EIF4ENIF1: variants seen among roughly 807,000 people sequenced by gnomAD.
EIF4ENIF1 encodes the protein eukaryotic translation initiation factor 4E nuclear import factor 1.
In EIF4ENIF1, 23 loss-of-function variants were observed where a neutral mutation model predicts 110.5. That is an observed-to-expected ratio of 0.21 (90% CI 0.15 to 0.29). The LOEUF (loss-of-function observed/expected upper bound fraction) is 0.29, where lower values mean the gene tolerates loss of function less well. Among genes scored for constraint, EIF4ENIF1 ranks in the 10% least tolerant of loss-of-function variants. The pLI, the probability that EIF4ENIF1 is intolerant of heterozygous loss-of-function variation, is 1.00. For synonymous variants in EIF4ENIF1, 440 were observed against 437.0 expected (o/e 1.01, Z -0.09); for missense variants, 1,031 against 1,221.1 (o/e 0.84, Z 2.32).
intron 2 of EIF4ENIF1, among the ~76,000 whole-genome samples, chr22:31,482,999 G>A (rs1441944394): frequency 1.3e-5 from 2 of 151,660 alleles, no homozygotes; most frequent in African/African-American, 4.8e-5. Flanking sequence ...ACTCCAGCCT[G>A]GCGACAGACA....
At chr22:31,492,476 T>G (rs538206212), upstream of EIF4ENIF1, among the ~76,000 whole-genome samples, 1 of 152,350 alleles carries the variant, frequency 6.6e-6, no homozygotes, top group Admixed American at 6.5e-5. Flanking sequence ...TCTATCCTAC[T>G]TAGGACCTAC....
chr22:31,459,598 GC>G (rs1569083039), intron 6 of EIF4ENIF1, among the ~76,000 whole-genome samples: 1 of 152,072 alleles, frequency 6.6e-6, no homozygotes, highest in African/African-American at 2.4e-5. Flanking sequence ...CTCTGGTGAG[GC>G]TAAACTCTGA....
At chr22:31,462,843 A>G in intron 6 of EIF4ENIF1, 89 bp downstream of exon 6, 3 of 1,400,380 alleles carry the variant, frequency 2.1e-6, no homozygotes, top group East Asian at 2.3e-5. Context: ...TCGGCCTCCC[A>G]AAGTGTTGGG....
At chr22:31,464,703 T>A (rs13058715) in intron 4 of EIF4ENIF1, among the ~76,000 whole-genome samples, 2,072 of 43,552 alleles carry the variant, frequency 0.048, 40 homozygotes, top group African/African-American at 0.089. Context: ...AAAAAAAATA[T>A]ATATATATAT....
chr22:31,438,196 A>G (rs1465112922), downstream of EIF4ENIF1, among the ~76,000 whole-genome samples: 2 of 152,204 alleles, frequency 1.3e-5, no homozygotes, highest in Non-Finnish European at 2.9e-5. Flanking sequence ...GAATGGACAA[A>G]TATCTAGAAC....
intron 6 of EIF4ENIF1, among the ~76,000 whole-genome samples, chr22:31,460,237 C>T (rs1056162755): frequency 1.3e-5 from 2 of 152,162 alleles, no homozygotes; most frequent in Admixed American, 1.3e-4. Context: ...TTTTGATTCT[C>T]CATTTCCTTC....
rs532103071 is a variant in EIF4ENIF1, at chr22:31,454,673, T to C, written c.1280-297A>G. On this transcript the variant is annotated intron_variant, in intron 9 of 18. Transcript: ENST00000330125. ...TGTGCATCCTGCAGAAGGATATGAG[T>C]CTTCTGGGAGACTTGTTACCTGGGA... is the stretch of plus-strand genomic sequence containing the variant. Among the ~76,000 whole-genome samples, 246 of 152,252 alleles carry C rather than the reference T, an allele frequency of 1.6e-3. 1 individual carries two copies. The highest frequency in any genetic ancestry group is 4.8e-3 in the African/African-American group (199 of 41,550).
At chr22:31,449,294 G>T in intron 12 of EIF4ENIF1, 54 bp downstream of exon 12, 3 of 1,558,998 alleles carry the variant, frequency 1.9e-6, no homozygotes, top group Non-Finnish European at 1.8e-6. Flanking sequence ...ACAGGCATGA[G>T]CTACCGTGCC....
intron 3 of EIF4ENIF1, among the ~76,000 whole-genome samples, chr22:31,471,016 CAAAA>C (rs879352107): frequency 1.2e-5 from 1 of 83,574 alleles, no homozygotes. Flanking sequence ...CTGTCTCGGA[CAAAA>C]AAAAAAAAAG....
chr22:31,456,504 T>G (rs971360394), intron 7 of EIF4ENIF1, among the ~76,000 whole-genome samples: 1 of 151,890 alleles, frequency 6.6e-6, no homozygotes, highest in Non-Finnish European at 1.5e-5. Flanking sequence ...ATTACAAGCA[T>G]GAGCCACCAC....
chr22:31,448,256 G>A (rs73396294), intron 12 of EIF4ENIF1, 24 bp from the exon 13 acceptor site: 2 of 1,611,180 alleles, frequency 1.2e-6, no homozygotes, highest in African/African-American at 1.3e-5. Context: ...TAGTCTCAGT[G>A]AGTACCAAGA....
In EIF4ENIF1 at chr22:31,441,784, C is replaced by T; in HGVS notation, c.2541G>A (p.Leu847=). The change falls in exon 17 of 19, where the codon TTG becomes TTA. Residue 847 remains leucine, a synonymous_variant. Coordinates refer to ENST00000330125, the MANE Select transcript of EIF4ENIF1 (RefSeq NM_019843.4). ...QGVHPQHLPS[L]LQTGVLPPGM... is the part of the protein sequence containing the mutation. ...AGGCTGGAAACTCACCAGTTTGGAG[C>T]AAACTTGGAAGATGCTGTGGATGTA... 1 of 1,609,638 alleles carries T rather than the reference C, an allele frequency of 6.2e-7. No individual in the cohort carries two copies. The highest frequency in any genetic ancestry group is 2.2e-5 in the East Asian group (1 of 44,790).
At position 31,449,340 on chromosome 22, in the gene EIF4ENIF1, A is replaced by T; in HGVS notation, c.1768+8T>A. 1 of 1,612,910 alleles carries T rather than the reference A, an allele frequency of 6.2e-7. No individual in the cohort carries two copies. The highest frequency in any genetic ancestry group is 8.5e-7 in the Non-Finnish European group (1 of 1,179,502). ...TTCATATTTCTTTTGACAAATAAGT[A>T]TATTTACCAATTGGTGATGGTATTC... is the stretch of plus-strand genomic sequence containing the variant. On this transcript the variant is annotated splice_region_variant and intron_variant, in intron 12 of 18. Transcript: ENST00000330125.
chr22:31,485,800 A>T (rs1018139717), intron 2 of EIF4ENIF1, among the ~76,000 whole-genome samples: 1 of 150,324 alleles, frequency 6.7e-6, no homozygotes, highest in South Asian at 2.1e-4. Context: ...GTGAAACTCC[A>T]TCTCAAAAAA....
At chr22:31,451,263 G>A (rs2050664954) in intron 10 of EIF4ENIF1, 1 of 151,988 alleles carries the variant, frequency 6.6e-6, no homozygotes, top group Non-Finnish European at 1.5e-5. Flanking sequence ...TCATATTTCA[G>A]GAAATTTAAG....
rs552889626 is a variant in EIF4ENIF1 at position 31,467,810 on chromosome 22, A to C, written c.298+365T>G. Among the ~76,000 whole-genome samples the C allele has an allele frequency of 1.6e-4, 24 of 152,194 alleles. No individual in the cohort carries two copies. In the South Asian group the frequency reaches 3.9e-3, roughly 25 times the overall value. On this transcript the variant is annotated intron_variant, in intron 4 of 18. Transcript: ENST00000330125. The stretch of plus-strand genomic sequence containing the variant: ...TCCGTCTCAAAAAAAAACAGAACAA[A>C]AAAAAAAGAATTGCCAGAACTAATT...
chr22:31,437,455 C>CCA (rs1363668155), downstream of EIF4ENIF1: 8 of 125,570 alleles, frequency 6.4e-5, no homozygotes, highest in Non-Finnish European at 1.2e-4. Flanking sequence ...CTTCATCCCC[C>CCA]CCCCACCCTC....
intron 18 of EIF4ENIF1, 118 bp downstream of exon 18, chr22:31,440,586 A>AAACTT: frequency 7.7e-7 from 1 of 1,301,280 alleles, no homozygotes; most frequent in East Asian, 2.3e-5. Context: ...ACTTTGTCCC[A>AAACTT]AACTTAGAAC....
At chr22:31,466,943 C>G (rs369045332) in intron 4 of EIF4ENIF1, among the ~76,000 whole-genome samples, 1 of 152,138 alleles carries the variant, frequency 6.6e-6, no homozygotes, top group South Asian at 2.1e-4. Flanking sequence ...CTAGAATGTT[C>G]TGTTGTGTAC....
Sources: gnomAD v4.1 joint callset for allele counts (sites outside exome capture counted in the v4.1 genomes callset) on GRCh38, gnomAD v4.1.1 for gene constraint, MANE v1.5 for transcripts, NCBI Gene and HGNC (gene_info 2026-07-23, HGNC 2026-07-21) for gene names.